The following GALNT7 variants were observed in gnomAD, a reference collection of about 807,000 sequenced individuals.
GALNT7 encodes the protein polypeptide N-acetylgalactosaminyltransferase 7, also known as N-acetylgalactosaminyltransferase 7.
A neutral mutation model predicts 82.1 loss-of-function variants in GALNT7; 60 were observed. The ratio of observed to expected loss-of-function variants is 0.73; its 90% confidence interval spans 0.59 to 0.91. GALNT7 has a LOEUF of 0.91. Among genes scored for constraint, GALNT7 ranks in the 40% least tolerant of loss-of-function variants. The probability of loss-of-function intolerance (pLI) is 0.00; values close to 1 mark genes in which losing one functional copy is unlikely to be tolerated. For synonymous variants in GALNT7, 243 were observed against 275.1 expected, an observed-to-expected ratio of 0.88 and a Z score of 1.15; for missense variants, 660 against 804.2, an observed-to-expected ratio of 0.82 and a Z score of 2.17.
rs191331889 is a variant in GALNT7 at position 173,199,869 on chromosome 4, T to C, written c.126+30908T>C. Reference sequence around the variant, plus strand: ...AGGGTAGATGAGAACCACAGGACTGTAATAAAAATGGATTATCATAACGAT... The same window carrying C: ...AGGGTAGATGAGAACCACAGGACTGCAATAAAAATGGATTATCATAACGAT... On this transcript the variant is annotated intron_variant, in intron 1 of 11. Transcript: ENST00000265000. Among the ~76,000 whole-genome samples, 11 of 152,286 alleles carry C rather than the reference T, an allele frequency of 7.2e-5. No individual in the cohort carries two copies. The East Asian group carries it at 1.9e-3, about 27-fold the overall frequency.
At chr4:173,180,758 GAGA>G (rs1192724111) in intron 1 of GALNT7, among the ~76,000 whole-genome samples, 1 of 152,196 alleles carries the variant, frequency 6.6e-6, no homozygotes, top group Non-Finnish European at 1.5e-5. Context: ...GTGCTTACTT[GAGA>G]AGACTTAAAT....
chr4:173,237,445 C>T (rs994055491), intron 1 of GALNT7, among the ~76,000 whole-genome samples: 1 of 152,132 alleles, frequency 6.6e-6, no homozygotes, highest in Non-Finnish European at 1.5e-5. Flanking sequence ...TAGGACATTG[C>T]TTTTTTGCCT....
chr4:173,288,577 G>C (rs763285586), intron 2 of GALNT7, among the ~76,000 whole-genome samples: 3 of 152,054 alleles, frequency 2.0e-5, no homozygotes, highest in Admixed American at 6.5e-5. Flanking sequence ...GGGTTTAATA[G>C]GCTGTCCCCA....
chr4:173,238,603 C>T (rs746625794), intron 1 of GALNT7, among the ~76,000 whole-genome samples: 13 of 152,084 alleles, frequency 8.5e-5, no homozygotes, highest in Non-Finnish European at 1.6e-4. Flanking sequence ...TTGAAATATA[C>T]TACAAAACGA....
intron 8 of GALNT7, among the ~76,000 whole-genome samples, chr4:173,311,994 C>T (rs1241682854): frequency 6.6e-6 from 1 of 152,130 alleles, no homozygotes; most frequent in Non-Finnish European, 1.5e-5. Flanking sequence ...AAATCCAACC[C>T]TTTTTAGTAA....
intron 2 of GALNT7, among the ~76,000 whole-genome samples, chr4:173,275,277 C>T (rs896062206): frequency 7.9e-5 from 12 of 152,164 alleles, no homozygotes; most frequent in African/African-American, 2.7e-4. Context: ...GACGATGTGA[C>T]CTTTAAGAAG....
intron 1 of GALNT7, among the ~76,000 whole-genome samples, chr4:173,208,205 G>A (rs1471563487): frequency 6.6e-6 from 1 of 151,684 alleles, no homozygotes; most frequent in Non-Finnish European, 1.5e-5. Flanking sequence ...TACAAAAGAT[G>A]TAATAGTTAA....
At position 173,263,389 on chromosome 4, in the gene GALNT7, A is replaced by C. The variant is rs1024388980; in HGVS notation, c.587+14949A>C. Among the ~76,000 whole-genome samples the C allele has an allele frequency of 3.1e-4, 47 of 152,226 alleles. 1 individual carries two copies. The highest frequency in any genetic ancestry group is 1.1e-3 in the African/African-American group (47 of 41,464). ...GTGCTTAGTGATGATTTAGATAATT[A>C]AGATGCTCACTTACTCAAAATTGTA... On this transcript the variant is annotated intron_variant, in intron 2 of 11. Coordinates refer to ENST00000265000, the MANE Select transcript of GALNT7 (RefSeq NM_017423.3).
At chr4:173,216,764 C>T (rs1733485590) in intron 1 of GALNT7, among the ~76,000 whole-genome samples, 1 of 97,936 alleles carries the variant, frequency 1.0e-5, no homozygotes, top group African/African-American at 4.3e-5. Flanking sequence ...GAGTCTCACT[C>T]TTGTCCCCCA....
At chr4:173,197,270 A>G (rs1416408371) in intron 1 of GALNT7, among the ~76,000 whole-genome samples, 1 of 152,158 alleles carries the variant, frequency 6.6e-6, no homozygotes, top group Non-Finnish European at 1.5e-5. Context: ...GAAGTTCTCT[A>G]AAAGATAAAT....
intron 11 of GALNT7, 152 bp downstream of exon 11, chr4:173,318,711 AC>A (rs1380141706): frequency 3.7e-6 from 2 of 547,658 alleles, no homozygotes; most frequent in Admixed American, 7.2e-5. Context: ...TTTCCTGAGC[AC>A]TGGATGACTC....
chr4:173,225,074 T>G (rs1733784372), intron 1 of GALNT7, among the ~76,000 whole-genome samples: 1 of 150,832 alleles, frequency 6.6e-6, no homozygotes. Flanking sequence ...TGTGCCCACT[T>G]CCCCAAGATC....
intron 3 of GALNT7, among the ~76,000 whole-genome samples, chr4:173,293,242 A>G (rs1044965459): frequency 1.3e-5 from 2 of 152,142 alleles, no homozygotes; most frequent in African/African-American, 4.8e-5. Flanking sequence ...AAAGAACACA[A>G]TTTTGGACCT....
Position 173,293,993 on chromosome 4 carries a change from A to G in GALNT7, c.755-1403A>G, listed in dbSNP as rs140882026. Among the ~76,000 whole-genome samples, 559 of 152,270 alleles carry G rather than the reference A, an allele frequency of 3.7e-3. 4 individuals carry two copies. The highest frequency in any genetic ancestry group is 0.013 in the African/African-American group (539 of 41,552). ...TGCAGTCAGTGGGTTAGGGAGGATA[A>G]TTTTCATCCGAGGAAGGGCAGTGAA... is the stretch of plus-strand genomic sequence containing the variant. On this transcript the variant is annotated intron_variant, in intron 3 of 11. Transcript: ENST00000265000.
At chr4:173,190,844 T>C (rs1240846640) in intron 1 of GALNT7, among the ~76,000 whole-genome samples, 7 of 152,248 alleles carry the variant, frequency 4.6e-5, no homozygotes. Context: ...TAATCCCTAC[T>C]CCACGTATGT....
intron 2 of GALNT7, among the ~76,000 whole-genome samples, chr4:173,271,737 G>A (rs1735733810): frequency 6.6e-6 from 1 of 152,152 alleles, no homozygotes; most frequent in South Asian, 2.1e-4. Flanking sequence ...GATTATAGAT[G>A]TGAGCCACTG....
rs577695466 is a variant in GALNT7 at position 173,224,795 on chromosome 4, G to A, written c.127-23185G>A. On this transcript the variant is annotated intron_variant, in intron 1 of 11. Transcript: ENST00000265000. Reference sequence around the variant, plus strand: ...TGGGAGGCCGAGGCGGGCGGATCACGAGGTCAGGAGATCCAGACCATCCTG... The same window carrying A: ...TGGGAGGCCGAGGCGGGCGGATCACAAGGTCAGGAGATCCAGACCATCCTG... Among the ~76,000 whole-genome samples, 38 of 151,672 alleles carry A rather than the reference G, an allele frequency of 2.5e-4. 2 individuals carry two copies. The East Asian group carries it at 6.6e-3, about 26-fold the overall frequency.
intron 2 of GALNT7, among the ~76,000 whole-genome samples, chr4:173,257,714 A>G (rs917750678): frequency 6.6e-6 from 1 of 152,212 alleles, no homozygotes; most frequent in Non-Finnish European, 1.5e-5. Context: ...GACTTATTTT[A>G]GAATGAACCC....
At chr4:173,183,469 G>A (rs1279509800) in intron 1 of GALNT7, among the ~76,000 whole-genome samples, 1 of 150,808 alleles carries the variant, frequency 6.6e-6, no homozygotes, top group Admixed American at 6.6e-5. Context: ...CTGGGTTGAC[G>A]TGGGCTTAAT....
Sources: gnomAD v4.1 joint callset for allele counts (sites outside exome capture counted in the v4.1 genomes callset) on GRCh38, gnomAD v4.1.1 for gene constraint, MANE v1.5 for transcripts, NCBI Gene and HGNC (gene_info 2026-07-23, HGNC 2026-07-21) for gene names.